Variants in ESR1 observed in about 807,000 individuals in gnomAD.
ESR1 encodes the protein estrogen receptor 1, also known as estrogen receptor.
In ESR1, 12 loss-of-function variants were observed where a neutral mutation model predicts 52.7. That is an observed-to-expected ratio of 0.23 (90% CI 0.15 to 0.37). The LOEUF (loss-of-function observed/expected upper bound fraction) is 0.37, where lower values mean the gene tolerates loss of function less well. Ranked by LOEUF, ESR1 falls within the 10% of genes least tolerant of loss-of-function variation. The pLI is 1.00. For missense variants in ESR1, 584 were observed against 779.7 expected (o/e 0.75, Z 2.99); for synonymous variants, 305 against 316.8 (o/e 0.96, Z 0.39).
At chr6:151,980,458 T>A (rs987729706) in intron 4 of ESR1, among the ~76,000 whole-genome samples, 1 of 152,194 alleles carries the variant, frequency 6.6e-6, no homozygotes, top group Non-Finnish European at 1.5e-5. Context: ...AAACAACATA[T>A]GTTTTTTCCT....
chr6:152,111,467 C>T lies in ESR1; in HGVS notation c.851-13799C>T, dbSNP rs555759563. 1.6e-3 allele frequency among the ~76,000 whole-genome samples: 246 copies of T among 152,286 alleles called. 3 individuals carry two copies. In the South Asian group the frequency reaches 0.018, roughly 11 times the overall value. ...TTCAGTGCGCTGCTAGGCCTTTCTG[C>T]GGACCTGCAACCTGCCATCAGCTGC... On this transcript the variant is annotated intron_variant, in intron 6 of 6. Coordinates refer to the ESR1 transcript ENST00000427531.
intron 3 of ESR1, among the ~76,000 whole-genome samples, chr6:151,932,005 C>G (rs897274820): frequency 6.0e-5 from 9 of 149,376 alleles, no homozygotes; most frequent in Admixed American, 1.3e-4. Context: ...ATTTCTAGTT[C>G]TAGATCCCTG....
At chr6:151,975,855 A>G (rs547823370) in intron 4 of ESR1, among the ~76,000 whole-genome samples, 1 of 152,172 alleles carries the variant, frequency 6.6e-6, no homozygotes, top group African/African-American at 2.4e-5. Context: ...AGTCTTATCT[A>G]TAAACCTAAG....
chr6:151,843,570 T>C (rs1050695586), intron 2 of ESR1, among the ~76,000 whole-genome samples: 1 of 152,208 alleles, frequency 6.6e-6, no homozygotes, highest in South Asian at 2.1e-4. Flanking sequence ...ATATCCTTTA[T>C]CTGATAGGAA....
intron 2 of ESR1, among the ~76,000 whole-genome samples, chr6:151,740,429 C>G (rs1242311642): frequency 6.6e-6 from 1 of 151,466 alleles, no homozygotes; most frequent in South Asian, 2.1e-4. Context: ...AGCCACCACA[C>G]CTGGCCATTT....
At chr6:151,834,898 G>T (rs1029573005) in intron 1 of ESR1, among the ~76,000 whole-genome samples, 2 of 152,008 alleles carry the variant, frequency 1.3e-5, no homozygotes, top group African/African-American at 4.8e-5. Flanking sequence ...AGGGTGCAGG[G>T]GGTCATGCTG....
chr6:151,967,433 T>G (rs2038400539), intron 4 of ESR1, among the ~76,000 whole-genome samples: 1 of 152,090 alleles, frequency 6.6e-6, no homozygotes, highest in Admixed American at 6.5e-5. Flanking sequence ...GAACATGTGG[T>G]GTTTGGTTTT....
At position 152,102,857 on chromosome 6, in the gene ESR1, C is replaced by T. The variant is rs2051003115; in HGVS notation, c.*3891C>T. On this transcript the variant is annotated 3_prime_UTR_variant, in exon 8 of 8. Coordinates refer to ENST00000206249, the MANE Select transcript of ESR1 (RefSeq NM_000125.4). Reference sequence around the variant, plus strand: ...CCATCGTCAGTGTGTGTGTTTAGAGCTGTGCACCCTAGAAACAACATATTG... The same window carrying T: ...CCATCGTCAGTGTGTGTGTTTAGAGTTGTGCACCCTAGAAACAACATATTG... The T allele has an allele frequency of 4.4e-6, 1 of 226,310 alleles. No individual in the cohort carries two copies. Among genetic ancestry groups the T allele is most frequent in the Non-Finnish European group, 8.8e-6 (1 of 113,480 alleles). 14.0% of individuals were successfully genotyped at this position (226,310 alleles called of 1,614,324 possible).
intron 2 of ESR1, among the ~76,000 whole-genome samples, chr6:151,729,591 G>A (rs994159880): frequency 4.6e-5 from 7 of 152,128 alleles, no homozygotes; most frequent in African/African-American, 1.7e-4. Context: ...CTTTTGTTGA[G>A]CCCTGCCATG....
chr6:152,088,563 G>T (rs2049929313), intron 6 of ESR1, among the ~76,000 whole-genome samples: 1 of 152,168 alleles, frequency 6.6e-6, no homozygotes, highest in South Asian at 2.1e-4. Flanking sequence ...GGAATAACGG[G>T]TTAATGGATC....
At chr6:151,971,294 C>T (rs558495352) in intron 4 of ESR1, among the ~76,000 whole-genome samples, 21 of 152,048 alleles carry the variant, frequency 1.4e-4, no homozygotes, top group Non-Finnish European at 2.1e-4. Context: ...ATCCATCACA[C>T]GAGCGGTGTA....
upstream of ESR1, among the ~76,000 whole-genome samples, chr6:151,803,040 G>C (rs564778067): frequency 1.3e-5 from 2 of 151,250 alleles, no homozygotes; most frequent in South Asian, 4.2e-4. Context: ...TTAACTTTTA[G>C]AGATAGTAAT....
intron 1 of ESR1, 112 bp downstream of exon 1, chr6:151,808,476 A>C: frequency 1.0e-6 from 1 of 983,162 alleles, no homozygotes. Flanking sequence ...GGGACGCGCG[A>C]CCCGAGGGTG....
chr6:151,872,811 C>T (rs903396915), intron 2 of ESR1, among the ~76,000 whole-genome samples: 15 of 152,168 alleles, frequency 9.9e-5, no homozygotes, highest in Admixed American at 4.6e-4. Flanking sequence ...TGCAGAAAGT[C>T]AATATCTTTC....
At chr6:151,796,044 T>C (rs1201151693) in intron 2 of ESR1, among the ~76,000 whole-genome samples, 2 of 150,546 alleles carry the variant, frequency 1.3e-5, no homozygotes, top group Non-Finnish European at 3.0e-5. Flanking sequence ...CGGGTGCCTG[T>C]AGTCCCAGCT....
At chr6:151,727,892 T>C (rs1475847170) in intron 2 of ESR1, among the ~76,000 whole-genome samples, 2 of 152,178 alleles carry the variant, frequency 1.3e-5, no homozygotes, top group African/African-American at 2.4e-5. Flanking sequence ...CATAATTATC[T>C]GAGATCTCCC....
At chr6:151,701,517 G>A (rs1395356058) in intron 1 of ESR1, among the ~76,000 whole-genome samples, 2 of 117,584 alleles carry the variant, frequency 1.7e-5, no homozygotes, top group African/African-American at 3.6e-5. Context: ...TGGCAAGAGC[G>A]ACACTACATC....
In ESR1 at chr6:152,098,776, T is replaced by C; in HGVS notation, c.1598T>C (p.Val533Ala). 1 of 1,614,166 alleles carries C rather than the reference T, an allele frequency of 6.2e-7. No individual in the cohort carries two copies. Among genetic ancestry groups the C allele is most frequent in the African/African-American group, 1.3e-5 (1 of 75,044 alleles). ...CTGTACAGCATGAAGTGCAAGAACG[T>C]GGTGCCCCTCTATGACCTGCTGCTG... Reference protein sequence around the residue: ...EHLYSMKCKNVVPLYDLLLEM... With the variant: ...EHLYSMKCKNAVPLYDLLLEM... The change falls in exon 8 of 8, where the codon GTG (valine) becomes GCG (alanine). Residue 533 changes from valine (V) to alanine (A), a missense_variant. Coordinates refer to ENST00000206249, the MANE Select transcript of ESR1 (RefSeq NM_000125.4). The surrounding 1 kb of genome is among the most constrained non-coding windows in gnomAD (Gnocchi z 5.1).
intron 4 of ESR1, among the ~76,000 whole-genome samples, chr6:151,995,586 A>G (rs1763830264): frequency 6.6e-6 from 1 of 152,216 alleles, no homozygotes; most frequent in Non-Finnish European, 1.5e-5. Flanking sequence ...AATTCTAACT[A>G]CATTGTGTCC....
Sources: gnomAD v4.1 joint callset for allele counts (sites outside exome capture counted in the v4.1 genomes callset) on GRCh38, gnomAD v4.1.1 for gene constraint, Gnocchi (gnomAD v3.1) non-coding constraint, MANE v1.5 for transcripts, NCBI Gene and HGNC (gene_info 2026-07-23, HGNC 2026-07-21) for gene names.